Variants in ANKS1B observed in about 807,000 individuals in gnomAD.
The protein encoded by ANKS1B is ankyrin repeat and sterile alpha motif domain-containing protein 1B.
Under a neutral mutation model 148.3 loss-of-function variants are expected in ANKS1B, and 36 were observed. The observed-to-expected ratio is 0.24, with a 90% confidence interval of 0.19 to 0.32. The LOEUF (loss-of-function observed/expected upper bound fraction) is 0.32, where lower values mean the gene tolerates loss of function less well. Among genes scored for constraint, ANKS1B ranks in the 10% least tolerant of loss-of-function variants. ANKS1B has a pLI of 1.00. For missense variants in ANKS1B, 1,157 were observed against 1,542.6 expected (o/e 0.75, Z 4.19); for synonymous variants, 542 against 560.8 (o/e 0.97, Z 0.47).
chr12:99,893,410 CAA>C lies in ANKS1B; in HGVS notation c.135-68023_135-68022del, dbSNP rs57828427. ...TGGGAGACAGAGCGAGACTCCATCT[CAA>C]AAAAAAAAAAAAAAAAATTGAGAAC... On this transcript the variant is annotated intron_variant, in intron 1 of 26. Transcript: ENST00000683438. Among the ~76,000 whole-genome samples the C allele has an allele frequency of 7.0e-3, 712 of 102,288 alleles. 6 individuals are homozygous for C. In the East Asian group the frequency reaches 0.082, roughly 12 times the overall value. The allele number at this position is 102,288 out of a possible 152,430, so 67.1% of individuals were successfully genotyped here.
At chr12:99,539,203 G>A (rs964204399) in intron 9 of ANKS1B, among the ~76,000 whole-genome samples, 8 of 152,066 alleles carry the variant, frequency 5.3e-5, no homozygotes, top group Non-Finnish European at 8.8e-5. Context: ...GTGGGTAAAG[G>A]TAAATATAAG....
chr12:99,710,650 T>A (rs2056502265), intron 8 of ANKS1B, among the ~76,000 whole-genome samples: 1 of 152,182 alleles, frequency 6.6e-6, no homozygotes, highest in Admixed American at 6.5e-5. Context: ...TTTGCCTTTA[T>A]CATAGAGAAG....
chr12:99,232,042 C>T (rs557835323), intron 14 of ANKS1B, among the ~76,000 whole-genome samples: 4 of 152,022 alleles, frequency 2.6e-5, no homozygotes, highest in African/African-American at 9.7e-5. Context: ...CTGTGACCTG[C>T]CCCTCAGATC....
chr12:99,184,561 T>C (rs1019083384), intron 14 of ANKS1B, among the ~76,000 whole-genome samples: 1 of 152,234 alleles, frequency 6.6e-6, no homozygotes, highest in African/African-American at 2.4e-5. Context: ...CTATAGATTA[T>C]GGAAAATAAT....
At chr12:98,885,768 A>C (rs117190845) in intron 17 of ANKS1B, among the ~76,000 whole-genome samples, 627 of 152,360 alleles carry the variant, frequency 4.1e-3, no homozygotes, top group Non-Finnish European at 6.1e-3. Context: ...CAAAGATTGC[A>C]TACAGCTTGA....
At chr12:98,767,457 A>G (rs1373630487) in intron 25 of ANKS1B, among the ~76,000 whole-genome samples, 1 of 152,064 alleles carries the variant, frequency 6.6e-6, no homozygotes, top group Non-Finnish European at 1.5e-5. Flanking sequence ...AACATTCTCT[A>G]CGCACTCCTG....
intron 10 of ANKS1B, among the ~76,000 whole-genome samples, chr12:99,473,760 G>C (rs1042846176): frequency 1.6e-4 from 24 of 151,900 alleles, no homozygotes; most frequent in African/African-American, 5.1e-4. Context: ...TCCATTCTTT[G>C]TTTGCTTTTT....
intron 9 of ANKS1B, among the ~76,000 whole-genome samples, chr12:99,579,313 CA>C (rs1227594646): frequency 6.6e-6 from 1 of 151,996 alleles, no homozygotes; most frequent in African/African-American, 2.4e-5. Flanking sequence ...ATGAAGTCTC[CA>C]AAAGCAATGG....
intron 17 of ANKS1B, among the ~76,000 whole-genome samples, chr12:98,985,861 T>G (rs1310793226): frequency 6.6e-6 from 1 of 152,160 alleles, no homozygotes; most frequent in Middle Eastern, 3.2e-3. Context: ...CCAATTTCTA[T>G]GTAGTGTCAT....
chr12:99,263,696 A>G (rs1485390360), intron 12 of ANKS1B, among the ~76,000 whole-genome samples: 2 of 152,088 alleles, frequency 1.3e-5, no homozygotes, highest in East Asian at 1.9e-4. Flanking sequence ...GTGAGTTCTC[A>G]TGAGATATGA....
intron 9 of ANKS1B, among the ~76,000 whole-genome samples, chr12:99,573,907 A>AT (rs199944322): frequency 0.014 from 2,117 of 151,108 alleles, 51 homozygotes; most frequent in African/African-American, 0.049. Flanking sequence ...CAAAAAAAAA[A>AT]TTTTTTTTAA....
chr12:99,051,174 C>T (rs1173205120), intron 17 of ANKS1B, among the ~76,000 whole-genome samples: 1 of 152,174 alleles, frequency 6.6e-6, no homozygotes, highest in African/African-American at 2.4e-5. Flanking sequence ...GTACCCCCGG[C>T]ACTGGGGAAA....
At chr12:99,899,900 A>AT (rs925522357) in intron 1 of ANKS1B, among the ~76,000 whole-genome samples, 2,069 of 140,774 alleles carry the variant, frequency 0.015, 25 homozygotes, top group Non-Finnish European at 0.021. Context: ...AAGAATTGTG[A>AT]TTTTTTTTTT....
intron 12 of ANKS1B, chr12:99,386,424 A>G (rs184166491): frequency 6.6e-6 from 1 of 152,130 alleles, no homozygotes; most frequent in East Asian, 1.9e-4. Context: ...AAGATTCCCA[A>G]CCTCATAAAT....
At chr12:99,346,693 G>A (rs2090737781) in intron 12 of ANKS1B, among the ~76,000 whole-genome samples, 2 of 152,122 alleles carry the variant, frequency 1.3e-5, no homozygotes, top group Middle Eastern at 3.4e-3. Context: ...TGGGATGTCT[G>A]TGAAATTCTG....
intron 1 of ANKS1B, among the ~76,000 whole-genome samples, chr12:99,944,424 C>T (rs1350417756): frequency 6.6e-6 from 1 of 152,156 alleles, no homozygotes; most frequent in Non-Finnish European, 1.5e-5. Flanking sequence ...CCTCAGGGTT[C>T]CCATGAAAAT....
At chr12:99,421,881 T>C (rs2095095885) in intron 11 of ANKS1B, among the ~76,000 whole-genome samples, 1 of 152,104 alleles carries the variant, frequency 6.6e-6, no homozygotes, top group African/African-American at 2.4e-5. Context: ...TGGCAATGTT[T>C]TCACAAGATC....
intron 25 of ANKS1B, among the ~76,000 whole-genome samples, chr12:98,762,601 T>C (rs1452981793): frequency 6.6e-6 from 1 of 152,212 alleles, no homozygotes; most frequent in Non-Finnish European, 1.5e-5. Flanking sequence ...GCGTTTGCCA[T>C]CTCCCACCTT....
At chr12:99,802,445 C>A (rs997917757) in intron 4 of ANKS1B, among the ~76,000 whole-genome samples, 1 of 151,904 alleles carries the variant, frequency 6.6e-6, no homozygotes, top group African/African-American at 2.4e-5. Flanking sequence ...TTGACTGATT[C>A]TCTTTATTAA....
Sources: gnomAD v4.1 joint callset for allele counts (sites outside exome capture counted in the v4.1 genomes callset) on GRCh38, gnomAD v4.1.1 for gene constraint, MANE v1.5 for transcripts, NCBI Gene and HGNC (gene_info 2026-07-23, HGNC 2026-07-21) for gene names.